PRTFDC1: variants seen among roughly 807,000 people sequenced by gnomAD.
The protein encoded by PRTFDC1 is phosphoribosyl transferase domain containing 1, also known as phosphoribosyltransferase domain-containing protein 1.
In PRTFDC1, 38 loss-of-function variants were observed where a neutral mutation model predicts 34.6. That is an observed-to-expected ratio of 1.10 (90% CI 0.85 to 1.44). The LOEUF is 1.44. Ranked by LOEUF, PRTFDC1 falls within the 40% of genes most tolerant of loss-of-function variation. The pLI is 0.00. For missense variants in PRTFDC1, 270 were observed against 283.0 expected, an observed-to-expected ratio of 0.95 and a Z score of 0.33; for synonymous variants, 93 against 98.1, an observed-to-expected ratio of 0.95 and a Z score of 0.31.
chr10:24,886,206 A>G lies in PRTFDC1; in HGVS notation c.340-14143T>C, dbSNP rs899147041. 6.6e-5 allele frequency among the ~76,000 whole-genome samples: 10 copies of G among 152,118 alleles called. 1 individual carries two copies. The highest frequency in any genetic ancestry group is 1.2e-4 in the Non-Finnish European group (8 of 68,036). ...TGTTCAACTCTGGCAGGGGATGTTGATAAGCGGGGAGTCTATGTGGGGCTA... is the reference window on the plus strand; with the variant it reads ...TGTTCAACTCTGGCAGGGGATGTTGGTAAGCGGGGAGTCTATGTGGGGCTA... On this transcript the variant is annotated intron_variant, in intron 3 of 8. Coordinates refer to ENST00000320152, the MANE Select transcript of PRTFDC1 (RefSeq NM_020200.7).
chr10:24,886,279 C>T (rs987231241), intron 3 of PRTFDC1, among the ~76,000 whole-genome samples: 2 of 152,098 alleles, frequency 1.3e-5, no homozygotes, highest in Admixed American at 1.3e-4. Flanking sequence ...GAAGCTAAAA[C>T]TACTCTGAAA....
chr10:24,851,824 A>T (rs554166202), intron 7 of PRTFDC1, among the ~76,000 whole-genome samples: 1 of 151,630 alleles, frequency 6.6e-6, no homozygotes, highest in Admixed American at 6.6e-5. Flanking sequence ...CAAAGGAAAC[A>T]CTCTCAACAA....
intron 3 of PRTFDC1, among the ~76,000 whole-genome samples, chr10:24,898,779 C>T (rs1848408087): frequency 6.6e-6 from 1 of 152,168 alleles, no homozygotes. Context: ...AAGGATCAGC[C>T]TAGGTGTATG....
intron 3 of PRTFDC1, among the ~76,000 whole-genome samples, chr10:24,934,795 A>T (rs1849025335): frequency 6.6e-6 from 1 of 152,206 alleles, no homozygotes; most frequent in Admixed American, 6.5e-5. Flanking sequence ...CCTTGGACGC[A>T]TGTTCTCAGG....
chr10:24,867,537 C>A (rs1847800475), intron 4 of PRTFDC1: 1 of 152,100 alleles, frequency 6.6e-6, no homozygotes, highest in Admixed American at 6.5e-5. Context: ...CACATCAAAC[C>A]CCGTGTTTTC....
intron 3 of PRTFDC1, among the ~76,000 whole-genome samples, chr10:24,915,204 T>G (rs1848678246): frequency 6.6e-6 from 1 of 152,202 alleles, no homozygotes; most frequent in Non-Finnish European, 1.5e-5. Flanking sequence ...TAGCATGTGA[T>G]ATTGGAATTT....
intron 3 of PRTFDC1, among the ~76,000 whole-genome samples, chr10:24,886,591 G>A (rs1255693836): frequency 1.3e-5 from 2 of 152,180 alleles, no homozygotes; most frequent in Non-Finnish European, 2.9e-5. Context: ...GTGGGGTGGG[G>A]CCTAAGAGTC....
At chr10:24,862,895 T>A (rs1483705244) in intron 4 of PRTFDC1, among the ~76,000 whole-genome samples, 3 of 152,134 alleles carry the variant, frequency 2.0e-5, no homozygotes, top group Admixed American at 6.5e-5. Context: ...TTATTTCTTT[T>A]GAGACAGAGT....
chr10:24,864,819 A>T (rs1847747084), intron 4 of PRTFDC1, among the ~76,000 whole-genome samples: 1 of 152,128 alleles, frequency 6.6e-6, no homozygotes, highest in Non-Finnish European at 1.5e-5. Flanking sequence ...TTATATAATC[A>T]ATATATAACA....
At chr10:24,887,550 A>G (rs1181284791) in intron 3 of PRTFDC1, among the ~76,000 whole-genome samples, 3 of 151,530 alleles carry the variant, frequency 2.0e-5, no homozygotes, top group Non-Finnish European at 2.9e-5. Flanking sequence ...CATGACTGCA[A>G]GTTTCCTGAG....
At chr10:24,886,114 G>A (rs75927785) in intron 3 of PRTFDC1, among the ~76,000 whole-genome samples, 4,547 of 152,216 alleles carry the variant, frequency 0.03, 132 homozygotes, top group East Asian at 0.13. Flanking sequence ...CACCAAGAGT[G>A]AACCCTAATG....
At chr10:24,912,427 T>C (rs1485443351) in intron 3 of PRTFDC1, among the ~76,000 whole-genome samples, 1 of 151,790 alleles carries the variant, frequency 6.6e-6, no homozygotes, top group Non-Finnish European at 1.5e-5. Flanking sequence ...TTCCTGGTTA[T>C]AGGCATCCTC....
intron 3 of PRTFDC1, among the ~76,000 whole-genome samples, chr10:24,882,653 CCTT>C (rs1452179892): frequency 6.6e-6 from 1 of 151,960 alleles, no homozygotes; most frequent in Non-Finnish European, 1.5e-5. Context: ...TGAAAAGCCT[CCTT>C]AATATATACT....
At chr10:24,899,075 C>T (rs1167666022) in intron 3 of PRTFDC1, among the ~76,000 whole-genome samples, 2 of 152,118 alleles carry the variant, frequency 1.3e-5, no homozygotes, top group South Asian at 2.1e-4. Context: ...ATAAGTCAAC[C>T]AGTCTATGGC....
intron 7 of PRTFDC1, among the ~76,000 whole-genome samples, chr10:24,853,990 T>C (rs949523859): frequency 2.6e-5 from 4 of 152,230 alleles, no homozygotes; most frequent in Admixed American, 2.6e-4. Context: ...AAGCTTGCTG[T>C]GCTCAATTTC....
At chr10:24,941,058 GTGTT>G (rs1380604646) in intron 2 of PRTFDC1, among the ~76,000 whole-genome samples, 112 of 148,430 alleles carry the variant, frequency 7.5e-4, no homozygotes, top group Middle Eastern at 3.4e-3. Flanking sequence ...GTGTGTGTGT[GTGTT>G]TGTGTGTTTG....
At chr10:24,862,872 A>G (rs191286705) in intron 4 of PRTFDC1, among the ~76,000 whole-genome samples, 4 of 151,340 alleles carry the variant, frequency 2.6e-5, no homozygotes, top group Admixed American at 2.0e-4. Context: ...TTAATGTACT[A>G]TTTGTTTTTA....
At chr10:24,851,643 A>G (rs953614061) in intron 7 of PRTFDC1, among the ~76,000 whole-genome samples, 179 bp from the exon 8 acceptor site, 4 of 151,964 alleles carry the variant, frequency 2.6e-5, no homozygotes, top group Non-Finnish European at 5.9e-5. Flanking sequence ...CCGAAGGACT[A>G]CTCGGGAGGA....
intron 4 of PRTFDC1, among the ~76,000 whole-genome samples, chr10:24,860,320 G>A (rs1847657352): frequency 6.6e-6 from 1 of 152,158 alleles, no homozygotes; most frequent in South Asian, 2.1e-4. Context: ...GGCGGAGGTT[G>A]CAGTGAACCA....
Sources: gnomAD v4.1 joint callset for allele counts (sites outside exome capture counted in the v4.1 genomes callset) on GRCh38, gnomAD v4.1.1 for gene constraint, MANE v1.5 for transcripts, NCBI Gene and HGNC (gene_info 2026-07-23, HGNC 2026-07-21) for gene names.